Variants in AMZ1 observed in about 807,000 individuals in gnomAD.
AMZ1 encodes archaemetzincin-1.
In AMZ1, 39 loss-of-function variants were observed where a neutral mutation model predicts 29.9. The ratio of observed to expected loss-of-function variants is 1.30; its 90% CI spans 1.01 to 1.70. The LOEUF (loss-of-function observed/expected upper bound fraction) is 1.70, where lower values mean the gene tolerates loss of function less well. AMZ1 is among the 40% of genes most tolerant of loss of function. The probability of loss-of-function intolerance (pLI) is 0.00; values close to 1 mark genes in which losing one functional copy is unlikely to be tolerated. For missense variants in AMZ1, 1,041 were observed against 680.6 expected (o/e 1.53, Z -5.89); for synonymous variants, 458 against 304.0 (o/e 1.51, Z -5.27).
chr7:2,699,513 T>C (rs564304478), intron 1 of AMZ1, among the ~76,000 whole-genome samples: 11 of 150,676 alleles, frequency 7.3e-5, no homozygotes, highest in African/African-American at 2.2e-4. Flanking sequence ...CTGCGTGCTG[T>C]TGGGGCTGCG....
At chr7:2,710,009 C>A (rs998589568) in intron 6 of AMZ1, among the ~76,000 whole-genome samples, 193 bp downstream of exon 6, 2 of 152,194 alleles carry the variant, frequency 1.3e-5, no homozygotes, top group African/African-American at 4.8e-5. Flanking sequence ...TAGATCGAGT[C>A]CTGCCAGGGC....
upstream of AMZ1, among the ~76,000 whole-genome samples, chr7:2,687,102 G>T (rs1787109495): frequency 6.6e-6 from 1 of 151,958 alleles, no homozygotes; most frequent in South Asian, 2.1e-4. Flanking sequence ...GCTGAGGCGG[G>T]TGTATCATGA....
chr7:2,682,280 C>T (rs886721322), intron 1 of AMZ1, among the ~76,000 whole-genome samples: 7 of 147,488 alleles, frequency 4.7e-5, no homozygotes, highest in African/African-American at 1.8e-4. Context: ...CCAGCTACCC[C>T]AGGACAGGGT....
At chr7:2,750,445 C>T (rs1362811850) in intron 4 of AMZ1, among the ~76,000 whole-genome samples, 1 of 152,210 alleles carries the variant, frequency 6.6e-6, no homozygotes, top group Non-Finnish European at 1.5e-5. Context: ...TCAGTGGATG[C>T]CTGAAGCCTT....
chr7:2,718,929 G>C lies in AMZ1; in HGVS notation c.*6051G>C, dbSNP rs55868372. Among the ~76,000 whole-genome samples the C allele has an allele frequency of 0.12, 17,999 of 152,218 alleles. 1,211 individuals are homozygous for C. The highest frequency in any genetic ancestry group is 0.21 in the Middle Eastern group (63 of 294). ...CTCAGGGTCGCTTAACACAGGCAGGGGTACAGGAGAGCTCCGGCCATTTAT... is the reference window on the plus strand; with the variant it reads ...CTCAGGGTCGCTTAACACAGGCAGGCGTACAGGAGAGCTCCGGCCATTTAT... On this transcript the variant is annotated 3_prime_UTR_variant, in exon 7 of 7. Transcript: ENST00000683327.
At position 2,716,920 on chromosome 7, in the gene AMZ1, A is replaced by AGGCGCAGTCTGTTCTTGCTTGAACC. The variant is rs1234691739; in HGVS notation, c.*4043_*4067dup. ...CTCAGAAACGGCAGAGCGGAAGTTG[A>AGGCGCAGTCTGTTCTTGCTTGAACC]GGCGCAGTCTGTTCTTGCTTGAACC... is the stretch of plus-strand genomic sequence containing the variant. On this transcript the variant is annotated 3_prime_UTR_variant, in exon 7 of 7. Transcript: ENST00000683327. Among the ~76,000 whole-genome samples, 2 of 152,210 alleles carry AGGCGCAGTCTGTTCTTGCTTGAACC rather than the reference A, an allele frequency of 1.3e-5. No individual in the cohort carries two copies. The highest frequency in any genetic ancestry group is 2.9e-5 in the Non-Finnish European group (2 of 68,044).
At chr7:2,710,501 T>C (rs1443473549) in intron 6 of AMZ1, among the ~76,000 whole-genome samples, 1 of 152,124 alleles carries the variant, frequency 6.6e-6, no homozygotes, top group Non-Finnish European at 1.5e-5. Context: ...CTCCCGCCCG[T>C]TGAGGCAAGT....
chr7:2,719,745 A>T (rs895561087), downstream of AMZ1, among the ~76,000 whole-genome samples: 3 of 149,254 alleles, frequency 2.0e-5, no homozygotes, highest in Admixed American at 6.7e-5. Flanking sequence ...CAATGGTGTG[A>T]TCTTGGCTCA....
chr7:2,722,767 G>GGA (rs1268196407), downstream of AMZ1, among the ~76,000 whole-genome samples: 7 of 152,180 alleles, frequency 4.6e-5, no homozygotes, highest in African/African-American at 1.7e-4. Flanking sequence ...GAGGCCAAGA[G>GGA]TTCAACACCA....
intron 4 of AMZ1, among the ~76,000 whole-genome samples, chr7:2,726,986 C>T (rs1789647105): frequency 6.6e-6 from 1 of 152,222 alleles, no homozygotes; most frequent in South Asian, 2.1e-4. Flanking sequence ...AGAGCGAGGC[C>T]TCTCATGCTC....
chr7:2,694,230 G>C (rs1365175863), intron 1 of AMZ1, among the ~76,000 whole-genome samples: 1 of 152,240 alleles, frequency 6.6e-6, no homozygotes, highest in African/African-American at 2.4e-5. Flanking sequence ...ACAGACGGCA[G>C]AGGGAGGAGG....
upstream of AMZ1, among the ~76,000 whole-genome samples, chr7:2,687,862 T>A (rs947472583): frequency 6.6e-6 from 1 of 151,564 alleles, no homozygotes; most frequent in Non-Finnish European, 1.5e-5. Flanking sequence ...GGTTCACCCC[T>A]CTCACCTGGG....
In AMZ1 at chr7:2,731,149, C is replaced by G; in HGVS notation, n.550+21333C>G. 3 of 1,495,900 alleles carry G rather than the reference C, an allele frequency of 2.0e-6. No individual in the cohort carries two copies. The highest frequency in any genetic ancestry group is 2.8e-6 in the Non-Finnish European group (3 of 1,086,896). 92.7% of individuals were successfully genotyped at this position (1,495,900 alleles called of 1,614,324 possible). On this transcript the variant is annotated intron_variant and non_coding_transcript_variant, in intron 4 of 4. Coordinates refer to the AMZ1 transcript ENST00000489665. The surrounding 1 kb of genome is among the most constrained non-coding windows in gnomAD (Gnocchi z 6.0). Reference sequence around the variant, plus strand: ...GTCTGACCGACAGCCGTGGGGGCTGCTCAACGACGACAAACCCCGGGGCTT... The same window carrying G: ...GTCTGACCGACAGCCGTGGGGGCTGGTCAACGACGACAAACCCCGGGGCTT...
intron 4 of AMZ1, chr7:2,729,630 CCAA>C (rs1415280018): frequency 6.6e-4 from 101 of 152,478 alleles, no homozygotes; most frequent in African/African-American, 2.3e-3. Context: ...GGAAAACAAG[CCAA>C]GGGTGAGCTG....
At chr7:2,741,811 T>G (rs1790520703) in intron 4 of AMZ1, among the ~76,000 whole-genome samples, 1 of 151,298 alleles carries the variant, frequency 6.6e-6, no homozygotes. Flanking sequence ...CAACTTCAGG[T>G]GCTGCTTCAG....
downstream of AMZ1, among the ~76,000 whole-genome samples, chr7:2,721,151 G>A (rs1427171490): frequency 3.3e-5 from 5 of 152,190 alleles, no homozygotes; most frequent in African/African-American, 1.2e-4. Flanking sequence ...TGCCAATGCC[G>A]GGAGGAAGAG....
In AMZ1 at chr7:2,709,834, G is replaced by T; in HGVS notation, c.948+18G>T. On this transcript the variant is annotated intron_variant, in intron 6 of 6. Transcript: ENST00000683327. The stretch of plus-strand genomic sequence containing the variant: ...GGTACCAGGTGAGTGGCTGAGTTGC[G>T]CTGCCCGGCTGCTGGGACCTGCGCT... 6.2e-7 allele frequency: 1 copy of T among 1,609,384 alleles called. No individual in the cohort carries two copies. Among genetic ancestry groups the T allele is most frequent in the Non-Finnish European group, 8.5e-7 (1 of 1,178,778 alleles).
At chr7:2,686,846 C>G (rs1471227703), upstream of AMZ1, among the ~76,000 whole-genome samples, 3 of 151,994 alleles carry the variant, frequency 2.0e-5, no homozygotes, top group East Asian at 3.9e-4. Context: ...TCCCGAGTAG[C>G]TGGGACTATA....
upstream of AMZ1, among the ~76,000 whole-genome samples, chr7:2,684,939 A>G (rs376567743): frequency 1.4e-4 from 20 of 142,864 alleles, no homozygotes; most frequent in East Asian, 4.1e-4. Context: ...GCGCGATCTC[A>G]GCTCACTGCA....
Sources: gnomAD v4.1 joint callset for allele counts (sites outside exome capture counted in the v4.1 genomes callset) on GRCh38, gnomAD v4.1.1 for gene constraint, Gnocchi (gnomAD v3.1) non-coding constraint, MANE v1.5 for transcripts, NCBI Gene and HGNC (gene_info 2026-07-23, HGNC 2026-07-21) for gene names.